Variants in LIX1 observed in about 807,000 individuals in gnomAD.
LIX1 encodes protein limb expression 1 homolog.
Under a neutral mutation model 33.4 loss-of-function variants are expected in LIX1, and 24 were observed. That is an observed-to-expected ratio of 0.72 (90% confidence interval 0.52 to 1.01). The LOEUF (loss-of-function observed/expected upper bound fraction) is 1.01. LIX1 is among the 50% of genes least tolerant of loss of function. LIX1 has a pLI of 0.00. For missense variants in LIX1, 311 were observed against 339.2 expected, an observed-to-expected ratio of 0.92 and a Z score of 0.65; for synonymous variants, 124 against 124.0, an observed-to-expected ratio of 1.00 and a Z score of 0.00.
chr5:97,136,754 C>A (rs1580249162), intron 1 of LIX1, among the ~76,000 whole-genome samples: 1 of 151,914 alleles, frequency 6.6e-6, no homozygotes, highest in Non-Finnish European at 1.5e-5. Flanking sequence ...GAAAAAAAAA[C>A]CGAAACCATA....
intron 1 of LIX1, among the ~76,000 whole-genome samples, chr5:97,134,191 C>A (rs1035900547): frequency 6.6e-6 from 1 of 152,222 alleles, no homozygotes; most frequent in Non-Finnish European, 1.5e-5. Context: ...GCTTTCTCAG[C>A]TCACTGCAGC....
At chr5:97,125,798 A>G (rs111562411) in intron 1 of LIX1, among the ~76,000 whole-genome samples, 264 of 152,310 alleles carry the variant, frequency 1.7e-3, no homozygotes, top group African/African-American at 5.8e-3. Flanking sequence ...TGCAGGTGGG[A>G]ATTTGGCCAT....
chr5:97,104,126 A>C (rs1241691666), intron 4 of LIX1, among the ~76,000 whole-genome samples: 1 of 152,194 alleles, frequency 6.6e-6, no homozygotes, highest in Non-Finnish European at 1.5e-5. Context: ...CATTGGGGTC[A>C]GGAAAGGAGT....
intron 1 of LIX1, among the ~76,000 whole-genome samples, chr5:97,137,693 A>G (rs1289980694): frequency 6.6e-6 from 1 of 152,226 alleles, no homozygotes; most frequent in African/African-American, 2.4e-5. Context: ...ATAAGCTAGC[A>G]AGCACTATAG....
chr5:97,096,732 A>C (rs926881780), intron 5 of LIX1, 78 bp downstream of exon 5: 1 of 999,976 alleles, frequency 1.0e-6, no homozygotes, highest in Admixed American at 2.0e-5. Flanking sequence ...ATCCGAATAA[A>C]GGAAATCTCC....
chr5:97,127,663 A>G (rs1285036469), intron 1 of LIX1, among the ~76,000 whole-genome samples: 2 of 152,190 alleles, frequency 1.3e-5, no homozygotes, highest in African/African-American at 4.8e-5. Flanking sequence ...TTTGTGGACA[A>G]TTTCAAAGAA....
intron 2 of LIX1, among the ~76,000 whole-genome samples, chr5:97,114,108 G>A (rs1044052522): frequency 4.6e-5 from 7 of 152,216 alleles, no homozygotes; most frequent in South Asian, 2.1e-4. Context: ...CTCTCTTGAT[G>A]AAGTACGGGG....
In LIX1 at chr5:97,092,758, A is replaced by G. The variant is rs1293488760; in HGVS notation, c.*1990T>C. 2 of 152,352 alleles carry G rather than the reference A, an allele frequency of 1.3e-5. No individual in the cohort carries two copies. The highest frequency in any genetic ancestry group is 4.8e-5 in the African/African-American group (2 of 41,456). The allele number at this position is 152,352 out of a possible 1,614,324, so 9.4% of individuals were successfully genotyped here. A position where few individuals can be genotyped will look rare whatever the true frequency, so the allele number is the denominator to read the frequency against. On this transcript the variant is annotated 3_prime_UTR_variant, in exon 6 of 6. Transcript: ENST00000274382. ...AAGATGGTGTCAGTTTGAGGAAGTC[A>G]TTGTCAAAGGCTGCTAATGCAGTAA...
intron 1 of LIX1, among the ~76,000 whole-genome samples, chr5:97,139,688 A>T (rs1213450210): frequency 2.6e-5 from 4 of 152,212 alleles, no homozygotes; most frequent in African/African-American, 9.6e-5. Flanking sequence ...TATGCAGGGG[A>T]GAACAGTCCA....
intron 1 of LIX1, among the ~76,000 whole-genome samples, chr5:97,133,058 T>C (rs1307753756): frequency 1.3e-5 from 2 of 152,208 alleles, no homozygotes; most frequent in African/African-American, 4.8e-5. Context: ...CCAATAAGCA[T>C]ATATGATCTA....
chr5:97,092,696 A>T lies in LIX1; in HGVS notation c.*2052T>A, dbSNP rs1321820498. The T allele has an allele frequency of 1.3e-5, 2 of 152,350 alleles. No individual in the cohort carries two copies. Among genetic ancestry groups the T allele is most frequent in the Admixed American group, 1.3e-4 (2 of 15,278 alleles). 9.4% of individuals were successfully genotyped at this position (152,350 alleles called of 1,614,324 possible). A position where few individuals can be genotyped will look rare whatever the true frequency, so the allele number is the denominator to read the frequency against. On this transcript the variant is annotated 3_prime_UTR_variant, in exon 6 of 6. Coordinates refer to ENST00000274382, the MANE Select transcript of LIX1 (RefSeq NM_153234.5). ...ACTTGTAGGGCACAAAGTAAATTTGATATTGTCCCATCTGATCCCTGTCCC... is the reference window on the plus strand; with the variant it reads ...ACTTGTAGGGCACAAAGTAAATTTGTTATTGTCCCATCTGATCCCTGTCCC...
intron 2 of LIX1, among the ~76,000 whole-genome samples, chr5:97,117,451 C>A (rs937746028): frequency 6.6e-6 from 1 of 152,154 alleles, no homozygotes; most frequent in African/African-American, 2.4e-5. Context: ...GCAAAAAGAG[C>A]ATTACAATTC....
At chr5:97,133,745 G>A (rs1039992725) in intron 1 of LIX1, among the ~76,000 whole-genome samples, 4 of 152,094 alleles carry the variant, frequency 2.6e-5, no homozygotes, top group Non-Finnish European at 5.9e-5. Context: ...GATTTTTTTG[G>A]TCCCAATTTT....
chr5:97,133,011 G>A (rs1748090957), intron 1 of LIX1, among the ~76,000 whole-genome samples: 1 of 152,142 alleles, frequency 6.6e-6, no homozygotes. Context: ...ACATAAAATT[G>A]TATTTTTATT....
At chr5:97,103,979 A>C (rs906691671) in intron 4 of LIX1, among the ~76,000 whole-genome samples, 5 of 151,908 alleles carry the variant, frequency 3.3e-5, no homozygotes, top group Admixed American at 2.6e-4. Context: ...AAGAAAAAAA[A>C]AAAAAAAAAG....
In LIX1 at chr5:97,124,665, A is replaced by G. The variant is rs536068215; in HGVS notation, c.83-36T>C. 1.5e-5 allele frequency: 23 copies of G among 1,582,558 alleles called. No individual in the cohort carries two copies. In the South Asian group the frequency reaches 2.2e-4, roughly 15 times the overall value. On this transcript the variant is annotated intron_variant, in intron 1 of 5. Coordinates refer to ENST00000274382, the MANE Select transcript of LIX1 (RefSeq NM_153234.5). ...CAAGAAACACCATCAGTTATTAAGG[A>G]TGGACATAATCTGGTGCAAAACCAA...
In LIX1 at chr5:97,094,538, G is replaced by A. The variant is rs2112742446; in HGVS notation, c.*210C>T. ...CCTTTCATCCTGAGCTGGAACTATT[G>A]AGAATGTGATAGAAAAATGCATCGA... On this transcript the variant is annotated 3_prime_UTR_variant, in exon 6 of 6. Transcript: ENST00000274382. 4 of 553,192 alleles carry A rather than the reference G, an allele frequency of 7.2e-6. No individual in the cohort carries two copies. The highest frequency in any genetic ancestry group is 3.2e-6 in the Non-Finnish European group (1 of 312,820). The allele number at this position is 553,192 out of a possible 1,614,324, so 34.3% of individuals were successfully genotyped here. A position where few individuals can be genotyped will look rare whatever the true frequency, so the allele number is the denominator to read the frequency against.
At chr5:97,115,570 T>A (rs1463408420) in intron 2 of LIX1, among the ~76,000 whole-genome samples, 2 of 152,210 alleles carry the variant, frequency 1.3e-5, no homozygotes, top group African/African-American at 4.8e-5. Context: ...TGGAAGGACA[T>A]TGATACAAGT....
intron 2 of LIX1, among the ~76,000 whole-genome samples, chr5:97,109,447 T>C (rs1293507636): frequency 6.6e-6 from 1 of 152,142 alleles, no homozygotes; most frequent in Non-Finnish European, 1.5e-5. Context: ...AGAGACAGGG[T>C]CTCACTATAT....
Sources: gnomAD v4.1 joint callset for allele counts (sites outside exome capture counted in the v4.1 genomes callset) on GRCh38, gnomAD v4.1.1 for gene constraint, MANE v1.5 for transcripts, NCBI Gene and HGNC (gene_info 2026-07-23, HGNC 2026-07-21) for gene names.